The following FGA variants were observed in gnomAD, a reference collection of about 807,000 sequenced individuals.
FGA encodes the protein fibrinogen alpha chain, also known as fibrinogen, A alpha polypeptide.
Under a neutral mutation model 20.3 loss-of-function variants are expected in FGA, and 20 were observed. The ratio of observed to expected loss-of-function variants is 0.99; its 90% CI spans 0.69 to 1.43. The LOEUF is 1.43. FGA is among the 40% of genes most tolerant of loss of function. FGA has a pLI of 0.00. For missense variants in FGA, 777 were observed against 784.7 expected, an observed-to-expected ratio of 0.99 and a Z score of 0.12; for synonymous variants, 306 against 281.6, an observed-to-expected ratio of 1.09 and a Z score of -0.87.
At position 154,585,495 on chromosome 4, in the gene FGA, T is replaced by C. The variant is rs753736253; in HGVS notation, c.1934A>G (p.Ter645TrpextTer57). 1 of 1,566,024 alleles carries C rather than the reference T, an allele frequency of 6.4e-7. No homozygotes were observed. Among genetic ancestry groups the C allele is most frequent in the Non-Finnish European group, 8.8e-7 (1 of 1,136,328 alleles). ...CTGTGCAGAAATATTTAACTTAGTC[T>C]AGGGGGACAGGGAAGGCTTCCCCAA... is the stretch of plus-strand genomic sequence containing the variant. ...SPLGKPSLSP[*>W] Residue 645 changes from the stop codon to tryptophan, a stop_lost, in exon 5 of 5, where the codon TAG becomes TGG. Transcript: ENST00000403106.
chr4:154,584,325 T>C (rs747243710), downstream of FGA: 39 of 1,614,048 alleles, frequency 2.4e-5, no homozygotes, highest in Non-Finnish European at 3.0e-5. Context: ...CATAGACTTC[T>C]GCACAGTTCT....
At position 154,585,668 on chromosome 4, in the gene FGA, C is replaced by T. The variant is rs1730689381; in HGVS notation, c.1761G>A (p.Thr587=). Reference sequence around the variant, plus strand: ...ATGTGGAGTCTCCTCTGTTGTAACTCGTGCTACTAGTAAATTGTTTGCTGT... The same window carrying T: ...ATGTGGAGTCTCCTCTGTTGTAACTTGTGCTACTAGTAAATTGTTTGCTGT... The part of the protein sequence containing the change: ...SSYSKQFTSS[T]SYNRGDSTFE... Residue 587 remains threonine (T), a synonymous_variant, in exon 5 of 5, where the codon ACG becomes ACA. Transcript: ENST00000403106. The T allele has an allele frequency of 1.2e-6, 2 of 1,614,080 alleles. No individual in the cohort carries two copies. The highest frequency in any genetic ancestry group is 1.1e-5 in the South Asian group (1 of 91,066).
At chr4:154,587,795 G>GAAAGAAAGAAAC in intron 3 of FGA, 138 bp from the exon 4 acceptor site, 1 of 692,898 alleles carries the variant, frequency 1.4e-6, no homozygotes, top group East Asian at 2.9e-5. Flanking sequence ...AAGAAAGAAA[G>GAAAGAAAGAAAC]AAAGAAAGAG....
rs755864144 is a variant in FGA, at chr4:154,589,472, C to A, written c.145G>T (p.Asp49Tyr). The A allele has an allele frequency of 6.2e-7, 1 of 1,614,040 alleles. No individual in the cohort carries two copies. The highest frequency in any genetic ancestry group is 8.5e-7 in the Non-Finnish European group (1 of 1,180,030). ...TCAGAGCAGAAGGGCCAGTCTGAAT[C>A]TTTGCAGGCAGATTGATGTCTTTCC... ...VVERHQSACK[D>Y]SDWPFCSDED... The change falls in exon 2 of 5, where the codon GAT becomes TAT. Residue 49 changes from aspartate (D) to tyrosine (Y), a missense_variant. Physicochemically the swap from Asp to Tyr is radical, Grantham distance 160. Coordinates refer to ENST00000403106, the MANE Select transcript of FGA (RefSeq NM_021871.4).
rs1730702377 is a variant in FGA at position 154,586,015 on chromosome 4, G to T, written c.1414C>A (p.Pro472Thr). 1 of 1,614,140 alleles carries T rather than the reference G, an allele frequency of 6.2e-7. No homozygotes were observed. Among genetic ancestry groups the T allele is most frequent in the Non-Finnish European group, 8.5e-7 (1 of 1,180,016 alleles). ...TTGGTAACTTCTTTGTGACCATCAG[G>T]ACCAATAACAGTCTTAGTAACGGTT... ...SKTVTKTVIG[P>T]DGHKEVTKEV... Residue 472 changes from proline to threonine, a missense_variant, in exon 5 of 5, where the codon CCT becomes ACT. Physicochemically the swap from Pro to Thr is conservative, Grantham distance 38. Coordinates refer to ENST00000403106, the MANE Select transcript of FGA (RefSeq NM_021871.4).
chr4:154,587,791 GAAAGAAAGAAA>G (rs1730773421), intron 3 of FGA, 134 bp from the exon 4 acceptor site: 2 of 709,490 alleles, frequency 2.8e-6, no homozygotes, highest in Non-Finnish European at 4.7e-6. Flanking sequence ...AAGAAAGAAA[GAAAGAAAGAAA>G]GAGAAAAAAG....
intron 3 of FGA, 76 bp from the exon 4 acceptor site, chr4:154,587,733 AAAGG>A (rs1229169589): frequency 4.2e-6 from 4 of 955,930 alleles, no homozygotes; most frequent in East Asian, 4.9e-5. Flanking sequence ...AGAAAGGAAG[AAAGG>A]AAGGAAGGAG....
chr4:154,586,385 G>GT lies in FGA; in HGVS notation c.1043dup (p.Asn348LysfsTer6). ...TACTACCAGGTCTAGGGCTCCCAGGGTTTTGGTTTCCAGTACTTCCAGTTC... is the reference window on the plus strand; with the variant it reads ...TACTACCAGGTCTAGGGCTCCCAGGGTTTTTGGTTTCCAGTACTTCCAGTTC... On this transcript the variant is annotated frameshift_variant, in exon 5 of 5. Transcript: ENST00000403106. LOFTEE classifies it low-confidence loss of function (END_TRUNC). 6.2e-7 allele frequency: 1 copy of GT among 1,614,150 alleles called. No homozygotes were observed. Among genetic ancestry groups the GT allele is most frequent in the Non-Finnish European group, 8.5e-7 (1 of 1,180,020 alleles).
chr4:154,583,917 G>A (rs1730643269), downstream of FGA: 11 of 582,534 alleles, frequency 1.9e-5, no homozygotes, highest in Non-Finnish European at 3.0e-5. Flanking sequence ...AACCCACAGA[G>A]CTATTTAAAG....
rs751444190 is a variant in FGA at position 154,586,446 on chromosome 4, G to C, written c.983C>G (p.Pro328Arg). The C allele has an allele frequency of 6.2e-7, 1 of 1,609,456 alleles. No individual in the cohort carries two copies. Among genetic ancestry groups the C allele is most frequent in the Non-Finnish European group, 8.5e-7 (1 of 1,177,172 alleles). ...TATWKPGSSG[P>R]GSTGSWNSGS... ...AGAGTTCCAGCTTCCAGTACTTCCAGGTCCAGAGCTCCCAGGTTTCCAGGT... is the reference window on the plus strand; with the variant it reads ...AGAGTTCCAGCTTCCAGTACTTCCACGTCCAGAGCTCCCAGGTTTCCAGGT... Residue 328 changes from proline to arginine, a missense_variant, in exon 5 of 5, where the codon CCT becomes CGT. Physicochemically the swap from Pro to Arg is moderately radical, Grantham distance 103. Coordinates refer to ENST00000403106, the MANE Select transcript of FGA (RefSeq NM_021871.4).
rs764906574 is a variant in FGA at position 154,585,686 on chromosome 4, T to C, written c.1743A>G (p.Lys581=). ...PSRGKSSSYS[K]QFTSSTSYNR... Reference sequence around the variant, plus strand: ...TGTAACTCGTGCTACTAGTAAATTGTTTGCTGTAACTTGAAGATTTACCAC... The same window carrying C: ...TGTAACTCGTGCTACTAGTAAATTGCTTGCTGTAACTTGAAGATTTACCAC... Residue 581 remains lysine (K), a synonymous_variant, in exon 5 of 5, where the codon AAA becomes AAG. Coordinates refer to ENST00000403106, the MANE Select transcript of FGA (RefSeq NM_021871.4). The C allele has an allele frequency of 9.3e-6, 15 of 1,614,062 alleles. No homozygotes were observed. The South Asian group carries it at 1.5e-4, about 17-fold the overall frequency.
rs756189209 is a variant in FGA at position 154,585,473 on chromosome 4, T to G, written c.*21A>C. 1.1e-5 allele frequency: 16 copies of G among 1,466,896 alleles called. No homozygotes were observed. In the Middle Eastern group the frequency reaches 1.2e-3, roughly 110 times the overall value. The allele number at this position is 1,466,896 out of a possible 1,614,324, so 90.9% of individuals were successfully genotyped here. A position where few individuals can be genotyped will look rare whatever the true frequency, so the allele number is the denominator to read the frequency against. On this transcript the variant is annotated 3_prime_UTR_variant, in exon 5 of 5. Transcript: ENST00000403106. ...AATGCAAGGGGCCATGGGAACACTG[T>G]GCAGAAATATTTAACTTAGTCTAGG...
rs907226575 is a variant in FGA, at chr4:154,586,490, A to G, written c.939T>C (p.Ser313=). Residue 313 remains serine, a synonymous_variant, in exon 5 of 5, where the codon TCT becomes TCC. Transcript: ENST00000403106. ...GSTGNRNPGS[S]GTGGTATWKP... ...TCCAGGTTGCAGTCCCTCCAGTCCC[A>G]GAGCTCCCAGGGTTTCGGTTTCCAG... 1 of 1,613,894 alleles carries G rather than the reference A, an allele frequency of 6.2e-7. No individual in the cohort carries two copies. Among genetic ancestry groups the G allele is most frequent in the Non-Finnish European group, 8.5e-7 (1 of 1,179,994 alleles).
At position 154,586,284 on chromosome 4, in the gene FGA, C is replaced by T; in HGVS notation, c.1145G>A (p.Ser382Asn). 2 of 1,614,178 alleles carry T rather than the reference C, an allele frequency of 1.2e-6. No individual in the cohort carries two copies. Among genetic ancestry groups the T allele is most frequent in the Non-Finnish European group, 1.7e-6 (2 of 1,179,998 alleles). Residue 382 changes from serine (S) to asparagine (N), a missense_variant, in exon 5 of 5, where the codon AGT (serine) becomes AAT (asparagine). Transcript: ENST00000403106. ...HWTSESSVSG[S>N]TGQWHSESGS... is the part of the protein sequence containing the mutation. ...AGATTCAGAGTGCCATTGTCCAGTACTACCAGATACAGAGCTCTCAGAGGT... is the reference window on the plus strand; with the variant it reads ...AGATTCAGAGTGCCATTGTCCAGTATTACCAGATACAGAGCTCTCAGAGGT...
Position 154,586,618 on chromosome 4 carries a change from G to A in FGA, c.811C>T (p.Arg271Ter), listed in dbSNP as rs1578796476. 1.2e-6 allele frequency: 2 copies of A among 1,613,846 alleles called. No homozygotes were observed. Among genetic ancestry groups the A allele is most frequent in the East Asian group, 2.2e-5 (1 of 44,892 alleles). ...GTTCCATAAGAGGTGGAGCCTCCTCGAGTAATCTCATTTCCACCAGGTCTC... is the reference window on the plus strand; with the variant it reads ...GTTCCATAAGAGGTGGAGCCTCCTCAAGTAATCTCATTTCCACCAGGTCTC... ...LERPGGNEIT[R>*]GGSTSYGTGS... The change falls in exon 5 of 5, where the codon CGA (arginine) becomes TGA (stop). Residue 271 changes from arginine (R) to a stop codon, truncating the protein, a stop_gained. Transcript: ENST00000403106. LOFTEE classifies it low-confidence loss of function (END_TRUNC).
chr4:154,589,483 G>A lies in FGA; in HGVS notation c.134C>T (p.Ser45Phe). ...GGGCCAGTCTGAATCTTTGCAGGCA[G>A]ATTGATGTCTTTCCACAACCCTTGG... Reference protein sequence around the residue: ...RGPRVVERHQSACKDSDWPFC... With the variant: ...RGPRVVERHQFACKDSDWPFC... Residue 45 changes from serine to phenylalanine, a missense_variant, in exon 2 of 5, where the codon TCT becomes TTT. By Grantham distance (155) the Ser-to-Phe change is radical (BLOSUM62 -2). Coordinates refer to ENST00000403106, the MANE Select transcript of FGA (RefSeq NM_021871.4). The A allele has an allele frequency of 6.2e-7, 1 of 1,614,142 alleles. No individual in the cohort carries two copies. Among genetic ancestry groups the A allele is most frequent in the African/African-American group, 1.3e-5 (1 of 75,060 alleles).
intron 1 of FGA, 52 bp downstream of exon 1, chr4:154,590,582 G>A: frequency 7.0e-7 from 1 of 1,430,168 alleles, no homozygotes; most frequent in African/African-American, 1.4e-5. Flanking sequence ...CAGGCTCTTT[G>A]TGGAATAAAC....
At chr4:154,589,087 G>A in intron 2 of FGA, 111 bp from the exon 3 acceptor site, 1 of 998,612 alleles carries the variant, frequency 1.0e-6, no homozygotes, top group South Asian at 1.4e-5. Context: ...TTCCAGATAA[G>A]TTGGCTTAAA....
In FGA at chr4:154,585,840, G is replaced by T; in HGVS notation, c.1589C>A (p.Pro530Gln). The T allele has an allele frequency of 6.2e-7, 1 of 1,614,126 alleles. No individual in the cohort carries two copies. The highest frequency in any genetic ancestry group is 8.5e-7 in the Non-Finnish European group (1 of 1,180,010). Residue 530 changes from proline (P) to glutamine (Q), a missense_variant, in exon 5 of 5, where the codon CCA (proline) becomes CAA (glutamine). Coordinates refer to ENST00000403106, the MANE Select transcript of FGA (RefSeq NM_021871.4). ...TCCTAACATAGGTGAGAAGAAACCT[G>T]GGAATGTTTTTCCAGTTGAGGCAGT... ...FDTASTGKTF[P>Q]GFFSPMLGEF...
Sources: gnomAD v4.1 joint callset for allele counts on GRCh38, gnomAD v4.1.1 for gene constraint, MANE v1.5 for transcripts, NCBI Gene and HGNC (gene_info 2026-07-23, HGNC 2026-07-21) for gene names.